SLC9C2: variants seen among roughly 807,000 people sequenced by gnomAD.
SLC9C2 encodes the protein solute carrier family 9 member C2 (putative), also known as sodium/hydrogen exchanger 11.
A neutral mutation model predicts 140.2 loss-of-function variants in SLC9C2; 75 were observed. The observed-to-expected ratio is 0.53, with a 90% CI of 0.44 to 0.65. The LOEUF is 0.65. Ranked by LOEUF, SLC9C2 falls within the 30% of genes least tolerant of loss-of-function variation. The pLI, the probability that SLC9C2 is intolerant of heterozygous loss-of-function variation, is 0.00. For synonymous variants in SLC9C2, 375 were observed against 420.9 expected (o/e 0.89, Z 1.34); for missense variants, 1,074 against 1,331.8 (o/e 0.81, Z 3.01).
chr1:173,545,320 A>C (rs1662765381), intron 13 of SLC9C2, among the ~76,000 whole-genome samples: 1 of 152,228 alleles, frequency 6.6e-6, no homozygotes, highest in African/African-American at 2.4e-5. Flanking sequence ...GTGAATATAA[A>C]TAAACCTCCC....
chr1:173,534,386 T>A, intron 16 of SLC9C2, 98 bp downstream of exon 16: 3 of 1,251,990 alleles, frequency 2.4e-6, no homozygotes, highest in Non-Finnish European at 2.2e-6. Flanking sequence ...TCATAGCAAA[T>A]GGCTCTTGGT....
At position 173,534,929 on chromosome 1, in the gene SLC9C2, C is replaced by T. The variant is rs1886639; in HGVS notation, c.1776-247G>A. Among the ~76,000 whole-genome samples the T allele has an allele frequency of 0.35, 52,283 of 151,524 alleles. 11,124 individuals carry two copies. The highest frequency in any genetic ancestry group is 0.64 in the East Asian group (3,332 of 5,168). ...TTTTAAAACTCAAGGCCACAGTACCCTGGAAACAATGCAAAGATTCATAAA... is the reference window on the plus strand; with the variant it reads ...TTTTAAAACTCAAGGCCACAGTACCTTGGAAACAATGCAAAGATTCATAAA... On this transcript the variant is annotated intron_variant, in intron 15 of 27. Coordinates refer to ENST00000367714, the MANE Select transcript of SLC9C2 (RefSeq NM_178527.4).
intron 15 of SLC9C2, among the ~76,000 whole-genome samples, chr1:173,535,359 C>T (rs965390265): frequency 1.3e-5 from 2 of 152,130 alleles, no homozygotes; most frequent in Non-Finnish European, 2.9e-5. Context: ...ATATCTACCC[C>T]AGTTAAGTAA....
At chr1:173,564,507 A>G (rs1664321039) in intron 9 of SLC9C2, among the ~76,000 whole-genome samples, 1 of 152,156 alleles carries the variant, frequency 6.6e-6, no homozygotes, top group South Asian at 2.1e-4. Flanking sequence ...TCTTCTTTAG[A>G]GAAGTGTCTA....
chr1:173,597,365 C>A (rs1476622258), intron 4 of SLC9C2, among the ~76,000 whole-genome samples: 1 of 151,556 alleles, frequency 6.6e-6, no homozygotes, highest in East Asian at 1.9e-4. Flanking sequence ...AAATTTAAAA[C>A]CTTAAATGCA....
At position 173,602,913 on chromosome 1, in the gene SLC9C2, T is replaced by C. The variant is rs1666869499; in HGVS notation, c.-242A>G. On this transcript the variant is annotated 5_prime_UTR_variant, in exon 1 of 28. The change abolishes an upstream ATG in the 5' untranslated region. Coordinates refer to ENST00000367714, the MANE Select transcript of SLC9C2 (RefSeq NM_178527.4). ...ATCTTCAACTCCTGCTATCCTCACA[T>C]GTAATGACCCTCAAATTAAGTTCTA... is the stretch of plus-strand genomic sequence containing the variant. 2.0e-5 allele frequency: 3 copies of C among 152,192 alleles called. No homozygotes were observed. In the South Asian group the frequency reaches 6.2e-4, roughly 31 times the overall value. 9.4% of individuals were successfully genotyped at this position (152,192 alleles called of 1,614,324 possible). A position where few individuals can be genotyped will look rare whatever the true frequency, so the allele number is the denominator to read the frequency against.
At chr1:173,519,944 T>A (rs902258344) in intron 22 of SLC9C2, among the ~76,000 whole-genome samples, 1 of 151,814 alleles carries the variant, frequency 6.6e-6, no homozygotes, top group Non-Finnish European at 1.5e-5. Flanking sequence ...AAGTCAGGAG[T>A]TCAACACCAG....
chr1:173,551,075 G>A (rs1466801643), intron 11 of SLC9C2, among the ~76,000 whole-genome samples: 2 of 140,144 alleles, frequency 1.4e-5, no homozygotes, highest in Non-Finnish European at 3.3e-5. Context: ...TAGTGTTTAT[G>A]AGGCACAGTT....
At chr1:173,532,502 T>G (rs1389485795) in intron 17 of SLC9C2, among the ~76,000 whole-genome samples, 1 of 152,174 alleles carries the variant, frequency 6.6e-6, no homozygotes, top group Non-Finnish European at 1.5e-5. Flanking sequence ...TAGTAATTGT[T>G]AAGGAAATTG....
intron 3 of SLC9C2, 54 bp downstream of exon 3, chr1:173,600,063 A>G: frequency 8.4e-7 from 1 of 1,195,706 alleles, no homozygotes; most frequent in East Asian, 2.5e-5. Context: ...ATGGGAGTGG[A>G]CTTTATTTTT....
intron 9 of SLC9C2, among the ~76,000 whole-genome samples, chr1:173,571,933 A>G (rs12073654): frequency 0.017 from 2,665 of 152,330 alleles, 73 homozygotes; most frequent in African/African-American, 0.061. Context: ...GATAGCCACA[A>G]TCATGGCAAA....
chr1:173,569,653 G>A (rs866018602), intron 9 of SLC9C2, among the ~76,000 whole-genome samples: 3 of 150,592 alleles, frequency 2.0e-5, no homozygotes, highest in Non-Finnish European at 2.9e-5. Context: ...TTTCTTTTGC[G>A]TCTTCTGACT....
chr1:173,559,709 C>G (rs931104971), intron 9 of SLC9C2, among the ~76,000 whole-genome samples: 1 of 152,212 alleles, frequency 6.6e-6, no homozygotes. Context: ...ATGTCAGAAA[C>G]AGATTAAGGA....
At chr1:173,511,826 G>A (rs12406352) in intron 23 of SLC9C2, among the ~76,000 whole-genome samples, 29,928 of 152,108 alleles carry the variant, frequency 0.2, 4,242 homozygotes, top group East Asian at 0.64. Flanking sequence ...GTTAATTTAC[G>A]TATAAGGTGT....
At chr1:173,554,843 A>G (rs762068130) in intron 10 of SLC9C2, 29 bp from the exon 11 acceptor site, 5 of 1,312,674 alleles carry the variant, frequency 3.8e-6, no homozygotes, top group Admixed American at 1.9e-5. Flanking sequence ...AATAGTTAGA[A>G]CCAAAACATT....
rs1659204220 is a variant in SLC9C2, at chr1:173,500,631, T to G, written c.*463A>C. ...AGATTGTGGAATATAATTCTGTTTT[T>G]CAATATTTACCAAACTGGGAAGGGG... is the stretch of plus-strand genomic sequence containing the variant. On this transcript the variant is annotated 3_prime_UTR_variant, in exon 28 of 28. Transcript: ENST00000367714. The G allele has an allele frequency of 6.6e-6, 1 of 152,336 alleles. No homozygotes were observed. The highest frequency in any genetic ancestry group is 2.1e-4 in the South Asian group (1 of 4,838). The allele number at this position is 152,336 out of a possible 1,614,324, so 9.4% of individuals were successfully genotyped here.
chr1:173,568,510 T>C (rs545259865), intron 9 of SLC9C2, among the ~76,000 whole-genome samples: 34 of 152,344 alleles, frequency 2.2e-4, no homozygotes, highest in Non-Finnish European at 4.0e-4. Flanking sequence ...TGTATTACAT[T>C]TTCTTTATCC....
intron 11 of SLC9C2, among the ~76,000 whole-genome samples, chr1:173,551,470 CA>C (rs1663304835): frequency 6.6e-6 from 1 of 152,182 alleles, no homozygotes; most frequent in Admixed American, 6.5e-5. Context: ...TGAAGGTCTG[CA>C]GCAACCCTGC....
intron 5 of SLC9C2, among the ~76,000 whole-genome samples, chr1:173,585,828 C>T (rs1039085168): frequency 2.6e-5 from 4 of 151,888 alleles, no homozygotes; most frequent in Admixed American, 6.6e-5. Flanking sequence ...ATTATCCAGG[C>T]GTAGCAGCAC....
Sources: gnomAD v4.1 joint callset for allele counts (sites outside exome capture counted in the v4.1 genomes callset) on GRCh38, gnomAD v4.1.1 for gene constraint, MANE v1.5 for transcripts, NCBI Gene and HGNC (gene_info 2026-07-23, HGNC 2026-07-21) for gene names.